HES4: variants seen among roughly 807,000 people sequenced by gnomAD.
HES4 encodes the protein hes family bHLH transcription factor 4.
In HES4, 17 loss-of-function variants were observed where a neutral mutation model predicts 10.7. The observed-to-expected ratio is 1.59, with a 90% CI of 1.09 to 2.38. The LOEUF is 2.38. HES4 is among the 30% of genes most tolerant of loss of function. The pLI, the probability that HES4 is intolerant of heterozygous loss-of-function variation, is 0.00. For missense variants in HES4, 389 were observed against 332.1 expected (o/e 1.17, Z -1.33); for synonymous variants, 189 against 159.7 (o/e 1.18, Z -1.38).
rs747286015 is a variant in HES4 at position 999,898 on chromosome 1, C to T, written c.76G>A (p.Asp26Asn). The T allele has an allele frequency of 6.7e-7, 1 of 1,498,580 alleles. No homozygotes were observed. Among genetic ancestry groups the T allele is most frequent in the Non-Finnish European group, 8.8e-7 (1 of 1,131,308 alleles). 92.8% of individuals were successfully genotyped at this position (1,498,580 alleles called of 1,614,324 possible). A position where few individuals can be genotyped will look rare whatever the true frequency, so the allele number is the denominator to read the frequency against. ...GAPASASRTP[D>N]KPRSAAEHRK... ...TGCTCGGCCGCGCTCCGGGGCTTGT[C>T]TGGGGTCCGGCTGGCGCTGGCCGGC... Residue 26 changes from aspartate to asparagine, a missense_variant, in exon 1 of 4, where the codon GAC becomes AAC. Physicochemically the swap from Asp to Asn is conservative, Grantham distance 23 (BLOSUM62 1). Coordinates refer to ENST00000304952, the MANE Select transcript of HES4 (RefSeq NM_021170.4).
At position 999,242 on chromosome 1, in the gene HES4, CG is replaced by C. The variant is rs1308219900; in HGVS notation, c.482del (p.Pro161ArgfsTer37). The C allele has an allele frequency of 7.3e-7, 1 of 1,371,730 alleles. No individual in the cohort carries two copies. The allele number at this position is 1,371,730 out of a possible 1,614,324, so 85.0% of individuals were successfully genotyped here. The stretch of plus-strand genomic sequence containing the variant: ...GCGCTGGGGCCTCTGCGGGGGCAGC[CG>C]GGGACAGCGAGGCCGGGCGGCGGGA... ...GPSRRPASLSPAAPAEAPAPE... is the reference protein window; with the variant it reads ...GPSRRPASLSXAAPAEAPAPE... On this transcript the variant is annotated frameshift_variant, in exon 4 of 4. Transcript: ENST00000304952. LOFTEE classifies it low-confidence loss of function (END_TRUNC).
rs1643978365 is a variant in HES4 at position 999,027 on chromosome 1, G to A, written c.*32C>T. The A allele has an allele frequency of 7.9e-6, 10 of 1,261,696 alleles. No individual in the cohort carries two copies. Among genetic ancestry groups the A allele is most frequent in the Non-Finnish European group, 9.0e-6 (9 of 999,710 alleles). 78.2% of individuals were successfully genotyped at this position (1,261,696 alleles called of 1,614,324 possible). On this transcript the variant is annotated 3_prime_UTR_variant, in exon 4 of 4. Coordinates refer to ENST00000304952, the MANE Select transcript of HES4 (RefSeq NM_021170.4). Reference sequence around the variant, plus strand: ...AAAGGCCACGGCCCTAGAACGGGGCGCCGCCTCCGATGCAGTCTCAGGGCC... The same window carrying A: ...AAAGGCCACGGCCCTAGAACGGGGCACCGCCTCCGATGCAGTCTCAGGGCC...
Position 999,001 on chromosome 1 carries a change from CA to C in HES4, c.*57del. 8.0e-7 allele frequency: 1 copy of C among 1,244,960 alleles called. No homozygotes were observed. Among genetic ancestry groups the C allele is most frequent in the Non-Finnish European group, 1.0e-6 (1 of 986,078 alleles). 77.1% of individuals were successfully genotyped at this position (1,244,960 alleles called of 1,614,324 possible). ...TACGTTTTCTCTGCTACAGTCTCGG[CA>C]AAGGCCACGGCCCTAGAACGGGGCG... On this transcript the variant is annotated 3_prime_UTR_variant, in exon 4 of 4. Coordinates refer to ENST00000304952, the MANE Select transcript of HES4 (RefSeq NM_021170.4).
In HES4 at chr1:999,548, G is replaced by A. The variant is rs1643993396; in HGVS notation, c.270C>T (p.Ser90=). Residue 90 remains serine, a synonymous_variant, in exon 3 of 4, where the codon AGC becomes AGT. Coordinates refer to ENST00000304952, the MANE Select transcript of HES4 (RefSeq NM_021170.4). ...ILEMTVRHLR[S]LRRVQVTAAL... is the part of the protein sequence containing the mutation. Reference sequence around the variant, plus strand: ...CACCCGTCACCTGCACGCGACGCAGGCTCCGCAGGTGTCTCACGGTCATCT... The same window carrying A: ...CACCCGTCACCTGCACGCGACGCAGACTCCGCAGGTGTCTCACGGTCATCT... 3.1e-6 allele frequency: 5 copies of A among 1,603,138 alleles called. No individual in the cohort carries two copies. The highest frequency in any genetic ancestry group is 1.7e-4 in the Middle Eastern group (1 of 5,962).
At position 1,000,002 on chromosome 1, in the gene HES4, T is replaced by C. The variant is rs1475517466; in HGVS notation, c.-29A>G. The C allele has an allele frequency of 1.5e-6, 2 of 1,346,076 alleles. No homozygotes were observed. The highest frequency in any genetic ancestry group is 3.3e-5 in the East Asian group (1 of 30,416). The allele number at this position is 1,346,076 out of a possible 1,614,324, so 83.4% of individuals were successfully genotyped here. A position where few individuals can be genotyped will look rare whatever the true frequency, so the allele number is the denominator to read the frequency against. On this transcript the variant is annotated 5_prime_UTR_variant, in exon 1 of 4. Coordinates refer to ENST00000304952, the MANE Select transcript of HES4 (RefSeq NM_021170.4). ...GCGCCCCGCGCCTCCCCGTGCCGGG[T>C]GGAGCGCGCCGCCACGGACCACGGG...
chr1:1,000,001 G>C lies in HES4; in HGVS notation c.-28C>G. On this transcript the variant is annotated 5_prime_UTR_variant, in exon 1 of 4. Transcript: ENST00000304952. ...TGCGCCCCGCGCCTCCCCGTGCCGG[G>C]TGGAGCGCGCCGCCACGGACCACGG... is the stretch of plus-strand genomic sequence containing the variant. 1 of 1,347,712 alleles carries C rather than the reference G, an allele frequency of 7.4e-7. No homozygotes were observed. The highest frequency in any genetic ancestry group is 3.3e-5 in the East Asian group (1 of 30,504). 83.5% of individuals were successfully genotyped at this position (1,347,712 alleles called of 1,614,324 possible). A position where few individuals can be genotyped will look rare whatever the true frequency, so the allele number is the denominator to read the frequency against.
chr1:999,786 G>A lies in HES4; in HGVS notation c.110C>T (p.Ser37Phe), dbSNP rs919486406. 1.2e-6 allele frequency: 2 copies of A among 1,610,974 alleles called. No homozygotes were observed. The highest frequency in any genetic ancestry group is 4.5e-5 in the East Asian group (2 of 44,704). ...KPRSAAEHRK[S>F]SKPVMEKRRR... ...CCGCTTCTCCATGACCGGCTTGGAG[G>A]ACTGCGGGTCGGGCACCGGCTGAGT... is the stretch of plus-strand genomic sequence containing the variant. The change falls in exon 2 of 4, where the codon TCC becomes TTC. Residue 37 changes from serine to phenylalanine, a missense_variant and splice_region_variant. Physicochemically the swap from Ser to Phe is radical, Grantham distance 155. Transcript: ENST00000304952.
Position 999,999 on chromosome 1 carries a change from G to T in HES4, c.-26C>A. On this transcript the variant is annotated 5_prime_UTR_variant, in exon 1 of 4. Coordinates refer to ENST00000304952, the MANE Select transcript of HES4 (RefSeq NM_021170.4). ...GGTGCGCCCCGCGCCTCCCCGTGCC[G>T]GGTGGAGCGCGCCGCCACGGACCAC... is the stretch of plus-strand genomic sequence containing the variant. The T allele has an allele frequency of 7.4e-7, 1 of 1,350,776 alleles. No individual in the cohort carries two copies. The highest frequency in any genetic ancestry group is 9.5e-7 in the Non-Finnish European group (1 of 1,057,950). 83.7% of individuals were successfully genotyped at this position (1,350,776 alleles called of 1,614,324 possible). A position where few individuals can be genotyped will look rare whatever the true frequency, so the allele number is the denominator to read the frequency against.
In HES4 at chr1:999,299, G is replaced by C. The variant is rs1428296195; in HGVS notation, c.426C>G (p.His142Gln). The change falls in exon 4 of 4, where the codon CAC becomes CAG. Residue 142 changes from histidine (H) to glutamine (Q), a missense_variant. By Grantham distance (24) the His-to-Gln change is conservative. Transcript: ENST00000304952. ...CCAGCTGGCGCAGGCAGGCTGCCAG[G>C]TGGCCCAGCAGGCGGGAGCGCACGT... ...PADVRSRLLG[H>Q]LAACLRQLGP... 6.8e-7 allele frequency: 1 copy of C among 1,467,128 alleles called. No individual in the cohort carries two copies. The highest frequency in any genetic ancestry group is 9.0e-7 in the Non-Finnish European group (1 of 1,115,194). 90.9% of individuals were successfully genotyped at this position (1,467,128 alleles called of 1,614,324 possible). A position where few individuals can be genotyped will look rare whatever the true frequency, so the allele number is the denominator to read the frequency against.
At chr1:999,483 G>A in intron 3 of HES4, 43 bp downstream of exon 3, 3 of 1,559,222 alleles carry the variant, frequency 1.9e-6, no homozygotes, top group Non-Finnish European at 1.7e-6. Flanking sequence ...CGGGGGTCCC[G>A]CGCCCTCCCC....
At position 999,528 on chromosome 1, in the gene HES4, G is replaced by A. The variant is rs542395408; in HGVS notation, c.290C>T (p.Thr97Met). ...HLRSLRRVQVTAALSADPAVL... is the reference protein window; with the variant it reads ...HLRSLRRVQVMAALSADPAVL... ...AGCCGCCGCCGCCCGCGCCTCACCC[G>A]TCACCTGCACGCGACGCAGGCTCCG... The change falls in exon 3 of 4, where the codon ACG becomes ATG. Residue 97 changes from threonine to methionine, a missense_variant and splice_region_variant. Physicochemically the swap from Thr to Met is moderately conservative, Grantham distance 81 (BLOSUM62 -1). Transcript: ENST00000304952. 3.1e-6 allele frequency: 5 copies of A among 1,595,716 alleles called. No individual in the cohort carries two copies. The South Asian group carries it at 4.5e-5, about 14-fold the overall frequency.
chr1:999,970 C>T lies in HES4; in HGVS notation c.4G>A (p.Ala2Thr). ...CTCGGTTTCCCCGGCGTGTCTGCGGCCATGGTGCGCCCCGCGCCTCCCCGT... is the reference window on the plus strand; with the variant it reads ...CTCGGTTTCCCCGGCGTGTCTGCGGTCATGGTGCGCCCCGCGCCTCCCCGT... Reference protein sequence around the residue: MAADTPGKPSAS... With the variant: MTADTPGKPSAS... Residue 2 changes from alanine to threonine, a missense_variant, in exon 1 of 4, where the codon GCC (alanine) becomes ACC (threonine). Transcript: ENST00000304952. The T allele has an allele frequency of 5.6e-6, 8 of 1,426,158 alleles. No homozygotes were observed. Among genetic ancestry groups the T allele is most frequent in the Non-Finnish European group, 7.3e-6 (8 of 1,099,592 alleles). 88.3% of individuals were successfully genotyped at this position (1,426,158 alleles called of 1,614,324 possible). A position where few individuals can be genotyped will look rare whatever the true frequency, so the allele number is the denominator to read the frequency against.
rs1461993278 is a variant in HES4 at position 1,000,032 on chromosome 1, C to T, written c.-59G>A. On this transcript the variant is annotated 5_prime_UTR_variant, in exon 1 of 4. Coordinates refer to ENST00000304952, the MANE Select transcript of HES4 (RefSeq NM_021170.4). ...CGCGCCGCCACGGACCACGGGCGGG[C>T]TGGCGGGCGAGCGGCGAGCGCGCGG... 1 of 1,214,130 alleles carries T rather than the reference C, an allele frequency of 8.2e-7. No individual in the cohort carries two copies. Among genetic ancestry groups the T allele is most frequent in the Non-Finnish European group, 1.0e-6 (1 of 977,750 alleles). 75.2% of individuals were successfully genotyped at this position (1,214,130 alleles called of 1,614,324 possible).
chr1:999,632 G>T lies in HES4; in HGVS notation c.205-19C>A. On this transcript the variant is annotated intron_variant, in intron 2 of 3. Coordinates refer to ENST00000304952, the MANE Select transcript of HES4 (RefSeq NM_021170.4). Reference sequence around the variant, plus strand: ...GGGAGCTCTGGGGGCGGGGATAGGCGGGAGGTCCAGGTCAGCTGCGACCCA... The same window carrying T: ...GGGAGCTCTGGGGGCGGGGATAGGCTGGAGGTCCAGGTCAGCTGCGACCCA... 1.2e-6 allele frequency: 2 copies of T among 1,607,984 alleles called. No individual in the cohort carries two copies. Among genetic ancestry groups the T allele is most frequent in the Non-Finnish European group, 1.7e-6 (2 of 1,178,070 alleles).
Position 1,000,023 on chromosome 1 carries a change from ACGGGCGGGCTGG to A in HES4, c.-62_-51del. The A allele has an allele frequency of 8.1e-7, 1 of 1,242,050 alleles. No individual in the cohort carries two copies. The highest frequency in any genetic ancestry group is 1.0e-6 in the Non-Finnish European group (1 of 994,844). 76.9% of individuals were successfully genotyped at this position (1,242,050 alleles called of 1,614,324 possible). Reference sequence around the variant, plus strand: ...CGGGTGGAGCGCGCCGCCACGGACCACGGGCGGGCTGGCGGGCGAGCGGCGAGCGCGCGGCGA... The same window carrying A: ...CGGGTGGAGCGCGCCGCCACGGACCACGGGCGAGCGGCGAGCGCGCGGCGA... On this transcript the variant is annotated 5_prime_UTR_variant, in exon 1 of 4. Transcript: ENST00000304952.
Position 999,124 on chromosome 1 carries a change from G to C in HES4, c.601C>G (p.Leu201Val). The change falls in exon 4 of 4, where the codon CTG becomes GTG. Residue 201 changes from leucine (L) to valine (V), a missense_variant. Leu to Val is a conservative substitution (Grantham distance 32). Coordinates refer to ENST00000304952, the MANE Select transcript of HES4 (RefSeq NM_021170.4). Reference sequence around the variant, plus strand: ...GGCCCCGCCCTGGGGGCGGCGGGCAGCGCCCGGGTCAGACCCGGCAGCAGC... The same window carrying C: ...GGCCCCGCCCTGGGGGCGGCGGGCACCGCCCGGGTCAGACCCGGCAGCAGC... The part of the protein sequence containing the change: ...PPLLPGLTRA[L>V]PAAPRAGPQG... 8.2e-7 allele frequency: 1 copy of C among 1,215,302 alleles called. No individual in the cohort carries two copies. Among genetic ancestry groups the C allele is most frequent in the Non-Finnish European group, 1.0e-6 (1 of 977,796 alleles). 75.3% of individuals were successfully genotyped at this position (1,215,302 alleles called of 1,614,324 possible).
rs1229274620 is a variant in HES4 at position 999,792 on chromosome 1, G to A, written c.109-5C>T. On this transcript the variant is annotated splice_polypyrimidine_tract_variant and splice_region_variant and intron_variant, in intron 1 of 3. Coordinates refer to ENST00000304952, the MANE Select transcript of HES4 (RefSeq NM_021170.4). ...CTCCATGACCGGCTTGGAGGACTGC[G>A]GGTCGGGCACCGGCTGAGTCCCGCG... 2.5e-6 allele frequency: 4 copies of A among 1,610,488 alleles called. No individual in the cohort carries two copies. In the South Asian group the frequency reaches 3.3e-5, roughly 13 times the overall value.
At position 999,621 on chromosome 1, in the gene HES4, C is replaced by A. The variant is rs1021682341; in HGVS notation, c.205-8G>T. 1.9e-6 allele frequency: 3 copies of A among 1,599,924 alleles called. No individual in the cohort carries two copies. Among genetic ancestry groups the A allele is most frequent in the Non-Finnish European group, 2.6e-6 (3 of 1,173,990 alleles). ...CTTCGAGTGGCGGGAGCTCTGGGGG[C>A]GGGGATAGGCGGGAGGTCCAGGTCA... On this transcript the variant is annotated splice_polypyrimidine_tract_variant and splice_region_variant and intron_variant, in intron 2 of 3. Coordinates refer to ENST00000304952, the MANE Select transcript of HES4 (RefSeq NM_021170.4).
At chr1:999,655 C>T in intron 2 of HES4, 37 bp downstream of exon 2, 1 of 1,611,066 alleles carries the variant, frequency 6.2e-7, no homozygotes, top group Non-Finnish European at 8.5e-7. Flanking sequence ...CAGCTGCGAC[C>T]CAGACTCCGG....
Sources: allele counts gnomAD v4.1 joint callset, GRCh38; gene constraint gnomAD v4.1.1; transcripts MANE v1.5; gene names NCBI Gene and HGNC (gene_info 2026-07-23, HGNC 2026-07-21).